FAM187B: variants seen among roughly 807,000 people sequenced by gnomAD.
FAM187B encodes protein FAM187B.
Under a neutral mutation model 22.6 loss-of-function variants are expected in FAM187B, and 22 were observed. The ratio of observed to expected loss-of-function variants is 0.97; its 90% confidence interval spans 0.70 to 1.39. FAM187B has a LOEUF of 1.39. Among genes scored for constraint, FAM187B ranks in the 40% most tolerant of loss-of-function variants. The pLI is 0.00. For missense variants in FAM187B, 433 were observed against 462.1 expected (o/e 0.94, Z 0.58); for synonymous variants, 192 against 201.8 (o/e 0.95, Z 0.41).
intron 1 of FAM187B, among the ~76,000 whole-genome samples, chr19:35,226,982 G>T (rs944318900): frequency 6.6e-6 from 1 of 152,184 alleles, no homozygotes; most frequent in African/African-American, 2.4e-5. Flanking sequence ...AAGGAAAAGA[G>T]AGACAGGGAC....
intron 1 of FAM187B, among the ~76,000 whole-genome samples, chr19:35,225,915 G>C (rs1297204090): frequency 6.6e-6 from 1 of 152,172 alleles, no homozygotes; most frequent in Non-Finnish European, 1.5e-5. Flanking sequence ...TTGTCCACCT[G>C]CCTTTGCCTG....
Position 35,228,518 on chromosome 19 carries a change from A to C in FAM187B, c.163T>G (p.Phe55Val). ...AGCCTGCCCTTCTTGCCTTGTGTGAATAAATAGTACCAGTGCGCCCCCGAG... is the reference window on the plus strand; with the variant it reads ...AGCCTGCCCTTCTTGCCTTGTGTGACTAAATAGTACCAGTGCGCCCCCGAG... ...NSSGAHWYYL[F>V]TQGKKGRLTS... The change falls in exon 1 of 2, where the codon TTC (phenylalanine) becomes GTC (valine). Residue 55 changes from phenylalanine to valine, a missense_variant. Phe to Val is a conservative substitution (Grantham distance 50). Transcript: ENST00000324675. 6.2e-7 allele frequency: 1 copy of C among 1,614,202 alleles called. No homozygotes were observed. The highest frequency in any genetic ancestry group is 8.5e-7 in the Non-Finnish European group (1 of 1,180,046).
In FAM187B at chr19:35,225,024, G is replaced by C. The variant is rs547902854; in HGVS notation, c.911C>G (p.Thr304Arg). The stretch of plus-strand genomic sequence containing the variant: ...GTTCTCTCTCCACTGAGCCTCCAGC[G>C]TCTCCAGACTGGCGGCGGGTTTGAA... Reference protein sequence around the residue: ...AQFKPAASLETLEAQWRENDA... With the variant: ...AQFKPAASLERLEAQWRENDA... Residue 304 changes from threonine (T) to arginine (R), a missense_variant, in exon 2 of 2, where the codon ACG becomes AGG. Coordinates refer to ENST00000324675, the MANE Select transcript of FAM187B (RefSeq NM_152481.2). The C allele has an allele frequency of 6.2e-7, 1 of 1,613,630 alleles. No homozygotes were observed. The highest frequency in any genetic ancestry group is 8.5e-7 in the Non-Finnish European group (1 of 1,179,806).
chr19:35,225,562 A>C (rs1304570903), intron 1 of FAM187B, among the ~76,000 whole-genome samples: 1 of 152,228 alleles, frequency 6.6e-6, no homozygotes, highest in African/African-American at 2.4e-5. Context: ...CTGTAATCCC[A>C]ACACTTTCAG....
At position 35,228,207 on chromosome 19, in the gene FAM187B, G is replaced by T; in HGVS notation, c.474C>A (p.Gly158=). The T allele has an allele frequency of 6.2e-7, 1 of 1,614,122 alleles. No homozygotes were observed. Among genetic ancestry groups the T allele is most frequent in the African/African-American group, 1.3e-5 (1 of 75,048 alleles). The part of the protein sequence containing the change: ...WQDCNRCEEP[G]ECKRLGYRYI... ...AGCGGTACCCCAGGCGTTTACACTC[G>T]CCCGGCTCCTCACAGCGGTTGCAGT... Residue 158 remains glycine, a synonymous_variant, in exon 1 of 2, where the codon GGC becomes GGA. Coordinates refer to ENST00000324675, the MANE Select transcript of FAM187B (RefSeq NM_152481.2).
rs773850760 is a variant in FAM187B at position 35,225,191 on chromosome 19, G to T, written c.744C>A (p.Asn248Lys). ...GGCTCTCCCACGTCAGGGGGGTGTC[G>T]TTGGCACGCCAGTTGACGGGCCTGC... ...SMYRPVNWRA[N>K]DTPLTWESQL... Residue 248 changes from asparagine (N) to lysine (K), a missense_variant, in exon 2 of 2, where the codon AAC (asparagine) becomes AAA (lysine). Coordinates refer to ENST00000324675, the MANE Select transcript of FAM187B (RefSeq NM_152481.2). The T allele has an allele frequency of 9.9e-5, 149 of 1,507,720 alleles. No homozygotes were observed. The highest frequency in any genetic ancestry group is 3.6e-4 in the Middle Eastern group (2 of 5,596). The allele number at this position is 1,507,720 out of a possible 1,614,324, so 93.4% of individuals were successfully genotyped here. A position where few individuals can be genotyped will look rare whatever the true frequency, so the allele number is the denominator to read the frequency against.
chr19:35,227,511 C>T (rs1308942109), intron 1 of FAM187B, among the ~76,000 whole-genome samples: 2 of 152,260 alleles, frequency 1.3e-5, no homozygotes, highest in South Asian at 2.1e-4. Context: ...TGAGCCACCG[C>T]GCCCAGCCTG....
At chr19:35,225,970 G>A (rs369787128) in intron 1 of FAM187B, among the ~76,000 whole-genome samples, 44 of 152,204 alleles carry the variant, frequency 2.9e-4, no homozygotes, top group East Asian at 2.7e-3. Context: ...ACTCTGCCTA[G>A]CCACGCTGCT....
intron 1 of FAM187B, among the ~76,000 whole-genome samples, chr19:35,226,186 G>A (rs1011925404): frequency 1.3e-5 from 2 of 152,080 alleles, no homozygotes; most frequent in African/African-American, 2.4e-5. Flanking sequence ...ACTATAGGTC[G>A]GGCACAGTGG....
At chr19:35,227,149 T>C (rs567014465) in intron 1 of FAM187B, among the ~76,000 whole-genome samples, 70 of 152,204 alleles carry the variant, frequency 4.6e-4, no homozygotes, top group Non-Finnish European at 8.5e-4. Flanking sequence ...GGGAGCGTGG[T>C]TCTACTGACA....
chr19:35,227,657 G>GC (rs2065665552), intron 1 of FAM187B, among the ~76,000 whole-genome samples: 1 of 152,212 alleles, frequency 6.6e-6, no homozygotes, highest in South Asian at 2.1e-4. Context: ...GGGGGCACCA[G>GC]CCTCTCCTCC....
At chr19:35,227,320 A>C (rs1393142137) in intron 1 of FAM187B, among the ~76,000 whole-genome samples, 2 of 152,030 alleles carry the variant, frequency 1.3e-5, no homozygotes, top group Non-Finnish European at 2.9e-5. Context: ...CCCGGGTTCA[A>C]GTGATTCTCC....
At chr19:35,226,666 C>G (rs2065662597) in intron 1 of FAM187B, among the ~76,000 whole-genome samples, 1 of 152,166 alleles carries the variant, frequency 6.6e-6, no homozygotes, top group Admixed American at 6.5e-5. Context: ...GGATATTCCA[C>G]AGACAATATC....
chr19:35,227,405 A>C (rs1363169308), intron 1 of FAM187B, among the ~76,000 whole-genome samples: 1 of 152,026 alleles, frequency 6.6e-6, no homozygotes, highest in Non-Finnish European at 1.5e-5. Flanking sequence ...TTTCTAGTAG[A>C]GACGGGGTTT....
chr19:35,228,379 C>T lies in FAM187B; in HGVS notation c.302G>A (p.Arg101His), dbSNP rs200158361. The change falls in exon 1 of 2, where the codon CGC (arginine) becomes CAC (histidine). Residue 101 changes from arginine to histidine, a missense_variant. Transcript: ENST00000324675. The stretch of plus-strand genomic sequence containing the variant: ...GTCAATTTCATACTGCACCACTTGG[C>T]GGCCATTCTTGTTCCAGCAGTGGTA... ...GLYHCWNKNGRQVVQYEIDFQ... is the reference protein window; with the variant it reads ...GLYHCWNKNGHQVVQYEIDFQ... 36 of 1,614,126 alleles carry T rather than the reference C, an allele frequency of 2.2e-5. No homozygotes were observed. Among genetic ancestry groups the T allele is most frequent in the South Asian group, 1.1e-4 (10 of 91,076 alleles).
In FAM187B at chr19:35,228,640, G is replaced by A. The variant is rs747346480; in HGVS notation, c.41C>T (p.Pro14Leu). ...GATGGAAAAGTAGAACCCCAGTGCCGGGGCAGCAAAGTGGAGCAGCAGCCA... is the reference window on the plus strand; with the variant it reads ...GATGGAAAAGTAGAACCCCAGTGCCAGGGCAGCAAAGTGGAGCAGCAGCCA... The part of the protein sequence containing the change: ...MLWLLLHFAA[P>L]ALGFYFSISC... Residue 14 changes from proline (P) to leucine (L), a missense_variant, in exon 1 of 2, where the codon CCG becomes CTG. Transcript: ENST00000324675. 2.7e-5 allele frequency: 44 copies of A among 1,612,512 alleles called. No individual in the cohort carries two copies. The highest frequency in any genetic ancestry group is 9.3e-5 in the African/African-American group (7 of 74,872).
At chr19:35,226,506 G>T (rs948295832) in intron 1 of FAM187B, among the ~76,000 whole-genome samples, 1 of 152,106 alleles carries the variant, frequency 6.6e-6, no homozygotes, top group Non-Finnish European at 1.5e-5. Context: ...ATATTTATGC[G>T]CCACAAGGGC....
chr19:35,228,288 C>G lies in FAM187B; in HGVS notation c.393G>C (p.Glu131Asp), dbSNP rs1206840820. The change falls in exon 1 of 2, where the codon GAG (glutamate) becomes GAC (aspartate). Residue 131 changes from glutamate (E) to aspartate (D), a missense_variant. Physicochemically the swap from Glu to Asp is conservative, Grantham distance 45. Transcript: ENST00000324675. ...KDLGQRPLQN[E>D]TLHLGSKQLI... is the part of the protein sequence containing the mutation. ...GCTGTTTGCTGCCCAAATGCAGGGT[C>G]TCGTTCTGCAGGGGCCTCTGACCCA... The G allele has an allele frequency of 5.6e-6, 9 of 1,614,216 alleles. No individual in the cohort carries two copies. Among genetic ancestry groups the G allele is most frequent in the Non-Finnish European group, 7.6e-6 (9 of 1,180,040 alleles).
Position 35,224,926 on chromosome 19 carries a change from C to T in FAM187B, c.1009G>A (p.Val337Met). ...ADSVLKGLKLVLLVVTVLALL... is the reference protein window; with the variant it reads ...ADSVLKGLKLMLLVVTVLALL... ...GCCAGGACGGTGACCACGAGCAGCACCAGCTTCAGCCCCTTGAGCACGGAG... is the reference window on the plus strand; with the variant it reads ...GCCAGGACGGTGACCACGAGCAGCATCAGCTTCAGCCCCTTGAGCACGGAG... Residue 337 changes from valine (V) to methionine (M), a missense_variant, in exon 2 of 2, where the codon GTG becomes ATG. By Grantham distance (21) the Val-to-Met change is conservative. Transcript: ENST00000324675. 1.2e-6 allele frequency: 2 copies of T among 1,613,860 alleles called. No homozygotes were observed. The highest frequency in any genetic ancestry group is 1.3e-5 in the African/African-American group (1 of 75,028).
Sources: gnomAD v4.1 joint callset for allele counts (sites outside exome capture counted in the v4.1 genomes callset) on GRCh38, gnomAD v4.1.1 for gene constraint, MANE v1.5 for transcripts, NCBI Gene and HGNC (gene_info 2026-07-23, HGNC 2026-07-21) for gene names.